Variants in RAC3 observed in about 807,000 individuals in gnomAD.
RAC3 encodes the protein Rac family small GTPase 3.
A neutral mutation model predicts 19.0 loss-of-function variants in RAC3; 9 were observed. The observed-to-expected ratio is 0.47, with a 90% CI of 0.29 to 0.83. RAC3 has a LOEUF of 0.83. RAC3 is among the 40% of genes least tolerant of loss of function. RAC3 has a pLI of 0.09. For synonymous variants in RAC3, 146 were observed against 111.8 expected (o/e 1.31, Z -1.93); for missense variants, 203 against 260.8 (o/e 0.78, Z 1.53).
chr17:82,032,480 G>A, intron 2 of RAC3, 22 bp downstream of exon 2: 1 of 1,610,796 alleles, frequency 6.2e-7, no homozygotes, highest in East Asian at 2.2e-5. Context: ...GGCTTCCCGG[G>A]AGAGCACAGG....
Position 82,031,766 on chromosome 17 carries a change from A to C in RAC3, c.5A>C (p.Gln2Pro). 1 of 988,386 alleles carries C rather than the reference A, an allele frequency of 1.0e-6. No homozygotes were observed. Among genetic ancestry groups the C allele is most frequent in the Non-Finnish European group, 1.2e-6 (1 of 834,774 alleles). 61.2% of individuals were successfully genotyped at this position (988,386 alleles called of 1,614,324 possible). A position where few individuals can be genotyped will look rare whatever the true frequency, so the allele number is the denominator to read the frequency against. Residue 2 changes from glutamine (Q) to proline (P), a missense_variant, in exon 1 of 6, where the codon CAG becomes CCG. Gln to Pro is a moderately conservative substitution (Grantham distance 76). Transcript: ENST00000306897. ...GCCGCCGCCCGGCCCGCGCCCATGC[A>C]GGCCATCAAGTGCGTGGTGGTCGGC... M[Q>P]AIKCVVVGDG...
Position 82,033,896 on chromosome 17 carries a change from A to G in RAC3, c.*67A>G. 1 of 1,507,444 alleles carries G rather than the reference A, an allele frequency of 6.6e-7. No homozygotes were observed. The highest frequency in any genetic ancestry group is 8.9e-7 in the Non-Finnish European group (1 of 1,120,240). 93.4% of individuals were successfully genotyped at this position (1,507,444 alleles called of 1,614,324 possible). A position where few individuals can be genotyped will look rare whatever the true frequency, so the allele number is the denominator to read the frequency against. On this transcript the variant is annotated 3_prime_UTR_variant, in exon 6 of 6. Transcript: ENST00000306897. This position sits in a 1 kb window ranked among gnomAD's most constrained non-coding sequence, Gnocchi z 6.2. ...CCTGGACGTGTCCGCTGTTGTGTTG[A>G]GACGTGTGGTGTCCCTGAGTCGGCT... is the stretch of plus-strand genomic sequence containing the variant.
rs2144160045 is a variant in RAC3 at position 82,033,510 on chromosome 17, G to A, written c.359G>A (p.Arg120His). 6.2e-7 allele frequency: 1 copy of A among 1,612,856 alleles called. No homozygotes were observed. The highest frequency in any genetic ancestry group is 8.5e-7 in the Non-Finnish European group (1 of 1,179,806). Residue 120 changes from arginine to histidine, a missense_variant, in exon 5 of 6, where the codon CGC becomes CAC. Arg to His is a conservative substitution (Grantham distance 29). Coordinates refer to ENST00000306897, the MANE Select transcript of RAC3 (RefSeq NM_005052.3). This position sits in a 1 kb window ranked among gnomAD's most constrained non-coding sequence, Gnocchi z 6.2. ...CTGGTGGGCACCAAGCTGGACCTCC[G>A]CGACGACAAGGACACCATTGAGCGG... Reference protein sequence around the residue: ...ILLVGTKLDLRDDKDTIERLR... With the variant: ...ILLVGTKLDLHDDKDTIERLR...
intron 1 of RAC3, chr17:82,032,135 C>G: frequency 1.9e-6 from 1 of 540,450 alleles, no homozygotes; most frequent in Admixed American, 3.4e-5. Flanking sequence ...TGCCGCCACC[C>G]TCGGAGTCGG....
Position 82,033,826 on chromosome 17 carries a change from C to G in RAC3, c.576C>G (p.Phe192Leu), listed in dbSNP as rs12936033. 1 of 1,597,018 alleles carries G rather than the reference C, an allele frequency of 6.3e-7. No individual in the cohort carries two copies. Among genetic ancestry groups the G allele is most frequent in the Non-Finnish European group, 8.5e-7 (1 of 1,172,320 alleles). Residue 192 changes from phenylalanine to leucine, a missense_variant, in exon 6 of 6, where the codon TTC (phenylalanine) becomes TTG (leucine). By Grantham distance (22) the Phe-to-Leu change is conservative. Around this residue, in one of 3 missense-constraint regions of RAC3, gnomAD observed 142 missense variants for 158.2 expected, o/e 0.90. Transcript: ENST00000306897. This position sits in a 1 kb window ranked among gnomAD's most constrained non-coding sequence, Gnocchi z 6.2. ...AGCCGGGGAAGAAGTGCACCGTCTTCTAGAGCCCTGGCCCACCCGAGCCTG... is the reference window on the plus strand; with the variant it reads ...AGCCGGGGAAGAAGTGCACCGTCTTGTAGAGCCCTGGCCCACCCGAGCCTG... ...VKKPGKKCTV[F>L]
rs1275749368 is a variant in RAC3 at position 82,032,397 on chromosome 17, A to G, written c.46A>G (p.Lys16Glu). ...CVVVGDGAVG[K>E]TCLLISYTTN... is the part of the protein sequence containing the mutation. The stretch of plus-strand genomic sequence containing the variant: ...TTGCCCTGTCCGCAGCGCCGTGGGG[A>G]AGACATGCTTGCTGATCAGCTACAC... The change falls in exon 2 of 6, where the codon AAG becomes GAG. Residue 16 changes from lysine (K) to glutamate (E), a missense_variant. By Grantham distance (56) the Lys-to-Glu change is moderately conservative. Coordinates refer to ENST00000306897, the MANE Select transcript of RAC3 (RefSeq NM_005052.3). 6.2e-7 allele frequency: 1 copy of G among 1,612,614 alleles called. No homozygotes were observed. Among genetic ancestry groups the G allele is most frequent in the Non-Finnish European group, 8.5e-7 (1 of 1,179,908 alleles).
rs528509306 is a variant in RAC3 at position 82,032,369 on chromosome 17, G to A, written c.36-18G>A. ...CCGAGGCCGGGCCCGGGAGCCACGTGGCTTGCCCTGTCCGCAGCGCCGTGG... is the reference window on the plus strand; with the variant it reads ...CCGAGGCCGGGCCCGGGAGCCACGTAGCTTGCCCTGTCCGCAGCGCCGTGG... On this transcript the variant is annotated intron_variant, in intron 1 of 5. Transcript: ENST00000306897. 4 of 1,612,386 alleles carry A rather than the reference G, an allele frequency of 2.5e-6. No individual in the cohort carries two copies. The South Asian group carries it at 4.4e-5, about 18-fold the overall frequency.
In RAC3 at chr17:82,033,742, C is replaced by A; in HGVS notation, c.492C>A (p.Gly164=). 2 of 1,613,086 alleles carry A rather than the reference C, an allele frequency of 1.2e-6. No homozygotes were observed. The highest frequency in any genetic ancestry group is 1.7e-6 in the Non-Finnish European group (2 of 1,179,878). The change falls in exon 6 of 6, where the codon GGC becomes GGA. Residue 164 remains glycine, a synonymous_variant. Coordinates refer to ENST00000306897, the MANE Select transcript of RAC3 (RefSeq NM_005052.3). This position sits in a 1 kb window ranked among gnomAD's most constrained non-coding sequence, Gnocchi z 6.2. ...YLECSALTQR[G]LKTVFDEAIR... The stretch of plus-strand genomic sequence containing the variant: ...AGTGCTCAGCCCTGACCCAGCGGGG[C>A]CTGAAGACAGTGTTTGACGAGGCGA...
At chr17:82,032,339 A>T in intron 1 of RAC3, 48 bp from the exon 2 acceptor site, 3 of 1,590,486 alleles carry the variant, frequency 1.9e-6, no homozygotes, top group Non-Finnish European at 2.6e-6. Flanking sequence ...TGCTGGGCAG[A>T]GGGTCCGAGG....
intron 3 of RAC3, 36 bp downstream of exon 3, chr17:82,032,864 G>C (rs1327152206): frequency 6.2e-7 from 1 of 1,610,782 alleles, no homozygotes. Context: ...GGAGCTGGGG[G>C]GGTCCCTGAG....
Position 82,032,804 on chromosome 17 carries a change from G to A in RAC3, c.201G>A (p.Leu67=). 1.2e-6 allele frequency: 2 copies of A among 1,613,034 alleles called. No homozygotes were observed. Among genetic ancestry groups the A allele is most frequent in the Non-Finnish European group, 1.7e-6 (2 of 1,179,992 alleles). The change falls in exon 3 of 6, where the codon CTG becomes CTA. Residue 67 remains leucine, a synonymous_variant. Transcript: ENST00000306897. ...DTAGQEDYDR[L]RPLSYPQTDV... is the part of the protein sequence containing the mutation. The stretch of plus-strand genomic sequence containing the variant: ...CGGGTCAGGAGGACTACGATCGGCT[G>A]CGGCCACTCTCCTACCCCCAAACTG...
chr17:82,032,708 C>G lies in RAC3; in HGVS notation c.108-3C>G. The G allele has an allele frequency of 6.2e-7, 1 of 1,612,624 alleles. No homozygotes were observed. Among genetic ancestry groups the G allele is most frequent in the Non-Finnish European group, 8.5e-7 (1 of 1,179,608 alleles). ...CCCTGACCCTGCCCTCACTGCTCTG[C>G]AGTTTTGACAACTACTCTGCCAACG... On this transcript the variant is annotated splice_region_variant and splice_polypyrimidine_tract_variant and intron_variant, in intron 2 of 5. Coordinates refer to ENST00000306897, the MANE Select transcript of RAC3 (RefSeq NM_005052.3).
Position 82,033,463 on chromosome 17 carries a change from C to T in RAC3, c.312C>T (p.His104=). The part of the protein sequence containing the change: ...RAKWYPEVRH[H]CPHTPILLVG... ...AGTGGTACCCGGAGGTGCGGCACCACTGCCCCCACACGCCCATCCTCCTGG... is the reference window on the plus strand; with the variant it reads ...AGTGGTACCCGGAGGTGCGGCACCATTGCCCCCACACGCCCATCCTCCTGG... Residue 104 remains histidine (H), a synonymous_variant, in exon 5 of 6, where the codon CAC becomes CAT. Coordinates refer to ENST00000306897, the MANE Select transcript of RAC3 (RefSeq NM_005052.3). This position sits in a 1 kb window ranked among gnomAD's most constrained non-coding sequence, Gnocchi z 6.2. The T allele has an allele frequency of 6.2e-7, 1 of 1,610,172 alleles. No homozygotes were observed. Among genetic ancestry groups the T allele is most frequent in the Non-Finnish European group, 8.5e-7 (1 of 1,178,450 alleles).
chr17:82,032,545 C>T, intron 2 of RAC3, 87 bp downstream of exon 2: 3 of 1,530,038 alleles, frequency 2.0e-6, no homozygotes, highest in Non-Finnish European at 2.7e-6. Flanking sequence ...CTCTGGGCTT[C>T]CACGTCGGCT....
At position 82,033,016 on chromosome 17, in the gene RAC3, C is replaced by A; in HGVS notation, c.288+7C>A. 1 of 1,612,742 alleles carries A rather than the reference C, an allele frequency of 6.2e-7. No homozygotes were observed. The highest frequency in any genetic ancestry group is 8.5e-7 in the Non-Finnish European group (1 of 1,179,520). ...CGAGAATGTTCGTGCCAAGGTAGGG[C>A]AAGGCTGGGGGCCCCTGTGGGGAGA... On this transcript the variant is annotated splice_region_variant and intron_variant, in intron 4 of 5. Transcript: ENST00000306897. This position sits in a 1 kb window ranked among gnomAD's most constrained non-coding sequence, Gnocchi z 6.2.
At position 82,032,832 on chromosome 17, in the gene RAC3, C is replaced by T. The variant is rs377493588; in HGVS notation, c.225+4C>T. The T allele has an allele frequency of 4.2e-4, 681 of 1,612,554 alleles. 1 individual carries two copies. The highest frequency in any genetic ancestry group is 7.6e-4 in the South Asian group (69 of 91,076). Reference sequence around the variant, plus strand: ...GCCACTCTCCTACCCCCAAACTGTACGTAACAATGGGGCCAGCCCCGGGAG... The same window carrying T: ...GCCACTCTCCTACCCCCAAACTGTATGTAACAATGGGGCCAGCCCCGGGAG... On this transcript the variant is annotated splice_donor_region_variant and intron_variant, in intron 3 of 5. Coordinates refer to ENST00000306897, the MANE Select transcript of RAC3 (RefSeq NM_005052.3).
chr17:82,032,156 T>A, intron 1 of RAC3: 1 of 564,146 alleles, frequency 1.8e-6, no homozygotes, highest in Non-Finnish European at 3.1e-6. Context: ...GGCCTCTGCC[T>A]GGGGCCCCAG....
Position 82,033,268 on chromosome 17 carries a change from G to A in RAC3, c.289-172G>A, listed in dbSNP as rs774588000. Among the ~76,000 whole-genome samples, 11 of 152,174 alleles carry A rather than the reference G, an allele frequency of 7.2e-5. No individual in the cohort carries two copies. The highest frequency in any genetic ancestry group is 2.4e-4 in the African/African-American group (10 of 41,442). ...GGAGGTCTCCAGGTTCCCTGGCTGCGTGTTTGTTCCTGGTATCTCCCCACC... is the reference window on the plus strand; with the variant it reads ...GGAGGTCTCCAGGTTCCCTGGCTGCATGTTTGTTCCTGGTATCTCCCCACC... On this transcript the variant is annotated intron_variant, in intron 4 of 5. Transcript: ENST00000306897. This position sits in a 1 kb window ranked among gnomAD's most constrained non-coding sequence, Gnocchi z 6.2.
intron 3 of RAC3, 39 bp from the exon 4 acceptor site, chr17:82,032,908 G>C: frequency 6.2e-7 from 1 of 1,610,204 alleles, no homozygotes; most frequent in Non-Finnish European, 8.5e-7. Flanking sequence ...GCCCTGGGGA[G>C]CCCCTGACCA....
Sources: allele counts gnomAD v4.1 joint callset (sites outside exome capture counted in the v4.1 genomes callset), GRCh38; gene constraint gnomAD v4.1.1; regional missense constraint gnomAD v4.1.1; non-coding constraint Gnocchi (gnomAD v3.1); transcripts MANE v1.5; gene names NCBI Gene and HGNC (gene_info 2026-07-23, HGNC 2026-07-21).